Variants in SOX5 observed in about 807,000 individuals in gnomAD.
SOX5 encodes the protein SRY-box transcription factor 5.
In SOX5, 9 loss-of-function variants were observed where a neutral mutation model predicts 92.0. The observed-to-expected ratio is 0.10, with a 90% CI of 0.06 to 0.17. SOX5 has a LOEUF of 0.17. Ranked by LOEUF, SOX5 falls within the 10% of genes least tolerant of loss-of-function variation. The pLI is 1.00. For synonymous variants in SOX5, 344 were observed against 336.3 expected (o/e 1.02, Z -0.25); for missense variants, 642 against 944.5 (o/e 0.68, Z 4.20).
intron 9 of SOX5, among the ~76,000 whole-genome samples, chr12:23,585,480 A>G (rs1950595299): frequency 6.6e-6 from 1 of 152,182 alleles, no homozygotes; most frequent in South Asian, 2.1e-4. Context: ...AGATAGAGGA[A>G]AGGGGGCAGT....
intron 4 of SOX5, among the ~76,000 whole-genome samples, chr12:24,044,044 A>G (rs967606831): frequency 2.0e-5 from 3 of 152,196 alleles, no homozygotes; most frequent in African/African-American, 7.2e-5. Flanking sequence ...AATTGTCATC[A>G]TTGTTGTTTT....
chr12:23,689,789 A>T (rs540872671), intron 6 of SOX5, among the ~76,000 whole-genome samples: 1 of 152,304 alleles, frequency 6.6e-6, no homozygotes, highest in East Asian at 1.9e-4. Context: ...ATAAGGAATG[A>T]AGGATTTGGA....
intron 1 of SOX5, among the ~76,000 whole-genome samples, chr12:24,418,037 T>C (rs926216178): frequency 1.3e-4 from 20 of 152,280 alleles, no homozygotes; most frequent in African/African-American, 4.8e-4. Context: ...ATTTCAAAGA[T>C]TTTTACAACC....
At chr12:24,317,501 T>G (rs1949806491) in intron 2 of SOX5, among the ~76,000 whole-genome samples, 1 of 152,240 alleles carries the variant, frequency 6.6e-6, no homozygotes, top group Admixed American at 6.5e-5. Context: ...TTTTCGTTTC[T>G]ATTCCTTAAT....
chr12:24,389,905 T>C (rs1350764656), intron 1 of SOX5, among the ~76,000 whole-genome samples: 1 of 152,214 alleles, frequency 6.6e-6, no homozygotes, highest in Non-Finnish European at 1.5e-5. Flanking sequence ...GTCTTTTTTA[T>C]TGTAGCTATC....
chr12:23,742,409 G>T (rs1215697738), intron 4 of SOX5, among the ~76,000 whole-genome samples: 1 of 151,990 alleles, frequency 6.6e-6, no homozygotes, highest in Non-Finnish European at 1.5e-5. Context: ...ATAATGTGTT[G>T]CTAATAATTT....
At chr12:23,951,768 G>A (rs1253543901), upstream of SOX5, among the ~76,000 whole-genome samples, 1 of 152,026 alleles carries the variant, frequency 6.6e-6, no homozygotes, top group East Asian at 1.9e-4. Flanking sequence ...TGTTAACAAG[G>A]GATGTGGCAA....
At chr12:24,099,383 A>T (rs1593151085) in intron 4 of SOX5, among the ~76,000 whole-genome samples, 1 of 152,310 alleles carries the variant, frequency 6.6e-6, no homozygotes, top group East Asian at 1.9e-4. Context: ...GAGGAACTGC[A>T]CTATGATATA....
At chr12:24,418,551 A>G (rs1471053430) in intron 1 of SOX5, among the ~76,000 whole-genome samples, 3 of 152,232 alleles carry the variant, frequency 2.0e-5, no homozygotes, top group African/African-American at 7.2e-5. Context: ...TCAGACCTGG[A>G]ACTGCAGATG....
intron 8 of SOX5, among the ~76,000 whole-genome samples, chr12:23,632,651 G>A (rs530490866): frequency 6.6e-6 from 1 of 152,234 alleles, no homozygotes; most frequent in African/African-American, 2.4e-5. Flanking sequence ...AAAAAGATGA[G>A]CTTCAGTATT....
At chr12:23,895,440 T>C (rs1413876301) in intron 2 of SOX5, among the ~76,000 whole-genome samples, 6 of 152,036 alleles carry the variant, frequency 3.9e-5, no homozygotes, top group Non-Finnish European at 7.4e-5. Context: ...ATTGTAACTC[T>C]ACCAGAAAAA....
At chr12:24,301,527 A>G (rs750789859) in intron 2 of SOX5, among the ~76,000 whole-genome samples, 12 of 152,182 alleles carry the variant, frequency 7.9e-5, no homozygotes, top group Non-Finnish European at 1.3e-4. Context: ...CAGGCGCCAA[A>G]ATGTAACTTT....
chr12:24,182,312 T>C (rs1048111572), intron 4 of SOX5, among the ~76,000 whole-genome samples: 5 of 152,172 alleles, frequency 3.3e-5, no homozygotes, highest in African/African-American at 1.2e-4. Flanking sequence ...AGGGGGCCCA[T>C]TTATAGCTTT....
At chr12:23,700,607 C>T (rs566707751) in intron 6 of SOX5, among the ~76,000 whole-genome samples, 1 of 152,076 alleles carries the variant, frequency 6.6e-6, no homozygotes, top group South Asian at 2.1e-4. Context: ...AAACTCTTTC[C>T]CTTGAATGGT....
At chr12:24,236,881 C>T (rs1398427586) in intron 3 of SOX5, among the ~76,000 whole-genome samples, 1 of 151,204 alleles carries the variant, frequency 6.6e-6, no homozygotes, top group Non-Finnish European at 1.5e-5. Context: ...AATCCCAGCC[C>T]CTCAAAAATA....
At chr12:24,531,077 A>T (rs1218591336) in intron 1 of SOX5, among the ~76,000 whole-genome samples, 1 of 152,326 alleles carries the variant, frequency 6.6e-6, no homozygotes, top group African/African-American at 2.4e-5. Flanking sequence ...CGTGGAAATT[A>T]TCTATTTGCA....
intron 2 of SOX5, among the ~76,000 whole-genome samples, chr12:23,865,182 C>A (rs1291170422): frequency 6.6e-6 from 1 of 152,040 alleles, no homozygotes; most frequent in African/African-American, 2.4e-5. Flanking sequence ...TATTTTAAGC[C>A]CACTGTTGAG....
chr12:24,513,296 G>A (rs1215380025), intron 1 of SOX5, among the ~76,000 whole-genome samples: 2 of 152,170 alleles, frequency 1.3e-5, no homozygotes, highest in African/African-American at 4.8e-5. Context: ...GGGCTTATGG[G>A]GAAATAACCC....
intron 2 of SOX5, among the ~76,000 whole-genome samples, chr12:24,357,791 A>G (rs972885151): frequency 1.0e-4 from 15 of 150,084 alleles, no homozygotes; most frequent in Non-Finnish European, 1.9e-4. Flanking sequence ...CAGTGAGGGT[A>G]GATTGTGCGA....
Sources: gnomAD v4.1 joint callset for allele counts (sites outside exome capture counted in the v4.1 genomes callset) on GRCh38, gnomAD v4.1.1 for gene constraint, MANE v1.5 for transcripts, NCBI Gene and HGNC (gene_info 2026-07-23, HGNC 2026-07-21) for gene names.